MECOM: variants seen among roughly 807,000 people sequenced by gnomAD.
MECOM encodes the protein MDS1 and EVI1 complex locus.
In MECOM, 13 loss-of-function variants were observed where a neutral mutation model predicts 116.3. The observed-to-expected ratio is 0.11, with a 90% CI of 0.07 to 0.18. The LOEUF is 0.18. MECOM is among the 10% of genes least tolerant of loss of function. The probability of loss-of-function intolerance (pLI) is 1.00; values close to 1 mark genes in which losing one functional copy is unlikely to be tolerated. For synonymous variants in MECOM, 528 were observed against 535.2 expected, an observed-to-expected ratio of 0.99 and a Z score of 0.19; for missense variants, 1,299 against 1,509.0, an observed-to-expected ratio of 0.86 and a Z score of 2.31.
chr3:169,579,976 T>C (rs1401958448), intron 1 of MECOM, among the ~76,000 whole-genome samples: 2 of 152,190 alleles, frequency 1.3e-5, no homozygotes, highest in Non-Finnish European at 2.9e-5. Flanking sequence ...AGTATCCCTC[T>C]CAGCCAAGCA....
intron 12 of MECOM, among the ~76,000 whole-genome samples, chr3:169,098,770 C>T (rs964277452): frequency 2.6e-5 from 4 of 152,002 alleles, no homozygotes; most frequent in African/African-American, 9.7e-5. Flanking sequence ...TTGGGTGGTC[C>T]TCCTGCCCCA....
intron 5 of MECOM, 140 bp downstream of exon 5, chr3:169,127,704 T>A: frequency 3.0e-6 from 2 of 659,978 alleles, no homozygotes; most frequent in Non-Finnish European, 5.3e-6. Flanking sequence ...TCCAGGCAAA[T>A]ATGATTTCTG....
chr3:169,550,873 G>T (rs1242543139), intron 1 of MECOM, among the ~76,000 whole-genome samples: 1 of 88,084 alleles, frequency 1.1e-5, no homozygotes, highest in Non-Finnish European at 2.4e-5. Flanking sequence ...GCCCAGGCTG[G>T]AGTGCAGTGG....
intron 5 of MECOM, among the ~76,000 whole-genome samples, chr3:169,124,757 A>G (rs919767032): frequency 7.2e-5 from 11 of 152,102 alleles, no homozygotes; most frequent in African/African-American, 2.7e-4. Context: ...TAAAAATCCT[A>G]TCCGCTCTCT....
At chr3:169,519,033 C>G (rs867422296) in intron 1 of MECOM, among the ~76,000 whole-genome samples, 1 of 152,172 alleles carries the variant, frequency 6.6e-6, no homozygotes, top group African/African-American at 2.4e-5. Context: ...TGAAAAAGGA[C>G]TAATACAAAT....
chr3:169,390,125 C>G (rs1048876937), intron 1 of MECOM, among the ~76,000 whole-genome samples: 1 of 152,130 alleles, frequency 6.6e-6, no homozygotes, highest in African/African-American at 2.4e-5. Context: ...GTCATAGCTG[C>G]TTGGGGTCTC....
intron 1 of MECOM, among the ~76,000 whole-genome samples, chr3:169,518,579 T>G (rs1361880124): frequency 6.6e-6 from 1 of 152,184 alleles, no homozygotes; most frequent in Non-Finnish European, 1.5e-5. Context: ...TATATTTCAC[T>G]TTACCCCAGT....
At chr3:169,451,762 G>A (rs748236535) in intron 1 of MECOM, among the ~76,000 whole-genome samples, 14 of 151,954 alleles carry the variant, frequency 9.2e-5, no homozygotes, top group African/African-American at 2.4e-4. Flanking sequence ...AATTTCTATC[G>A]CTTAGTGAGA....
intron 1 of MECOM, among the ~76,000 whole-genome samples, chr3:169,387,546 C>G (rs1175266839): frequency 6.6e-6 from 1 of 152,192 alleles, no homozygotes; most frequent in African/African-American, 2.4e-5. Context: ...TAATTTTTCT[C>G]TCTACTCTTC....
In MECOM at chr3:169,459,902, A is replaced by G. The variant is rs547874896; in HGVS notation, c.38-78378T>C. On this transcript the variant is annotated intron_variant, in intron 1 of 16. Coordinates refer to ENST00000651503, the MANE Select transcript of MECOM (RefSeq NM_004991.4). Reference sequence around the variant, plus strand: ...GCTAGGCAGTGGAGAAGCACCCGAGACTGGCGTTAGTATACACCCCGAAAG... The same window carrying G: ...GCTAGGCAGTGGAGAAGCACCCGAGGCTGGCGTTAGTATACACCCCGAAAG... 1.1e-4 allele frequency among the ~76,000 whole-genome samples: 17 copies of G among 152,278 alleles called. 1 individual carries two copies. The South Asian group carries it at 3.5e-3, about 32-fold the overall frequency.
At chr3:169,152,538 G>A (rs1281172122) in intron 2 of MECOM, among the ~76,000 whole-genome samples, 3 of 152,134 alleles carry the variant, frequency 2.0e-5, no homozygotes, top group Non-Finnish European at 4.4e-5. Flanking sequence ...TCGGCTCTCC[G>A]AGGAGTAGTC....
chr3:169,116,059 T>C lies in MECOM; in HGVS notation c.1813A>G (p.Ile605Val), dbSNP rs778100947. The C allele has an allele frequency of 1.2e-6, 2 of 1,614,192 alleles. No homozygotes were observed. Among genetic ancestry groups the C allele is most frequent in the Non-Finnish European group, 8.5e-7 (1 of 1,180,036 alleles). Residue 605 changes from isoleucine (I) to valine (V), a missense_variant, in exon 8 of 17, where the codon ATT becomes GTT. Ile to Val is a conservative substitution (Grantham distance 29). Transcript: ENST00000651503. ...TTSGSDLESD[I>V]ESDKEKFKEN... Reference sequence around the variant, plus strand: ...TTAAATTTCTCTTTATCACTTTCAATGTCACTTTCCAGATCAGAGCCCGAG... The same window carrying C: ...TTAAATTTCTCTTTATCACTTTCAACGTCACTTTCCAGATCAGAGCCCGAG...
At chr3:169,132,814 A>G (rs1176034506) in intron 3 of MECOM, among the ~76,000 whole-genome samples, 1 of 148,508 alleles carries the variant, frequency 6.7e-6, no homozygotes, top group Non-Finnish European at 1.5e-5. Flanking sequence ...GTACAGTGGC[A>G]TGATCACAGC....
At chr3:169,162,545 G>A (rs58402614) in intron 2 of MECOM, among the ~76,000 whole-genome samples, 1,739 of 152,144 alleles carry the variant, frequency 0.011, 37 homozygotes, top group African/African-American at 0.039. Context: ...AGGCAAAAGC[G>A]GAAAATAATA....
chr3:169,227,858 T>C (rs1752929085), intron 2 of MECOM, among the ~76,000 whole-genome samples: 1 of 152,116 alleles, frequency 6.6e-6, no homozygotes. Flanking sequence ...TGACCAAACT[T>C]GGGATTTTGT....
chr3:169,095,334 C>T (rs1034954143), intron 12 of MECOM, 89 bp from the exon 13 acceptor site: 9 of 1,089,516 alleles, frequency 8.3e-6, no homozygotes, highest in African/African-American at 4.8e-5. Flanking sequence ...ATCATCTCCA[C>T]TCATAAAACA....
intron 2 of MECOM, among the ~76,000 whole-genome samples, 154 bp from the exon 3 acceptor site, chr3:169,143,986 AGTTACC>A (rs1577152170): frequency 6.6e-6 from 1 of 152,336 alleles, no homozygotes; most frequent in East Asian, 1.9e-4. Flanking sequence ...GGAAATGAGA[AGTTACC>A]TTGAAAATGA....
intron 1 of MECOM, among the ~76,000 whole-genome samples, chr3:169,495,972 G>A (rs563829361): frequency 6.6e-6 from 1 of 152,264 alleles, no homozygotes; most frequent in South Asian, 2.1e-4. Flanking sequence ...CACATAGTAA[G>A]CATAACGACC....
intron 2 of MECOM, among the ~76,000 whole-genome samples, chr3:169,225,760 C>T (rs1276116779): frequency 2.0e-5 from 3 of 152,164 alleles, no homozygotes; most frequent in Admixed American, 6.5e-5. Context: ...CAGGCATGCA[C>T]CACCACGCCT....
Sources: allele counts gnomAD v4.1 joint callset (sites outside exome capture counted in the v4.1 genomes callset), GRCh38; gene constraint gnomAD v4.1.1; transcripts MANE v1.5; gene names NCBI Gene and HGNC (gene_info 2026-07-23, HGNC 2026-07-21).